The following PMCH variants were observed in gnomAD, a reference collection of about 807,000 sequenced individuals.
The protein encoded by PMCH is pro-MCH.
A neutral mutation model predicts 15.9 loss-of-function variants in PMCH; 8 were observed. The observed-to-expected ratio is 0.50, with a 90% CI of 0.29 to 0.91. The LOEUF (loss-of-function observed/expected upper bound fraction) is 0.91. Among genes scored for constraint, PMCH ranks in the 40% least tolerant of loss-of-function variants. The probability of loss-of-function intolerance (pLI) is 0.07; values close to 1 mark genes in which losing one functional copy is unlikely to be tolerated. For synonymous variants in PMCH, 73 were observed against 63.8 expected (o/e 1.14, Z -0.69); for missense variants, 169 against 185.7 (o/e 0.91, Z 0.52).
At position 102,197,803 on chromosome 12, in the gene PMCH, G is replaced by A; in HGVS notation, c.-33C>T. ...TTGATGTTTGCATACAGTCAAACAA[G>A]AAAGAAAATGAAAAATTTCTCTGTC... On this transcript the variant is annotated 5_prime_UTR_variant, in exon 1 of 3. Transcript: ENST00000329406. The A allele has an allele frequency of 1.4e-6, 2 of 1,478,922 alleles. No homozygotes were observed. The highest frequency in any genetic ancestry group is 1.8e-6 in the Non-Finnish European group (2 of 1,105,840). The allele number at this position is 1,478,922 out of a possible 1,614,324, so 91.6% of individuals were successfully genotyped here.
chr12:102,197,185 G>A lies in PMCH; in HGVS notation c.250-14C>T. On this transcript the variant is annotated splice_polypyrimidine_tract_variant and intron_variant, in intron 1 of 2. Coordinates refer to ENST00000329406, the MANE Select transcript of PMCH (RefSeq NM_002674.4). ...GGAGCCTGTGTTCTGTAAAGAGAAG[G>A]TTGATTTGGTTTTTAGCTATCGTAT... The A allele has an allele frequency of 1.9e-6, 3 of 1,599,082 alleles. No homozygotes were observed. Among genetic ancestry groups the A allele is most frequent in the Non-Finnish European group, 2.6e-6 (3 of 1,168,160 alleles).
Position 102,197,035 on chromosome 12 carries a change from T to G in PMCH, c.386A>C (p.Lys129Thr). 6.2e-7 allele frequency: 1 copy of G among 1,612,178 alleles called. No individual in the cohort carries two copies. Among genetic ancestry groups the G allele is most frequent in the East Asian group, 2.2e-5 (1 of 44,782 alleles). ...GVQNTESTQE[K>T]REIGDEENSA... ...GTTTTCTTCATCCCCAATTTCTCTC[T>G]TTTCTTGTGTTGATTCAGTATTCTG... The change falls in exon 2 of 3, where the codon AAG becomes ACG. Residue 129 changes from lysine to threonine, a missense_variant. Transcript: ENST00000329406.
In PMCH at chr12:102,197,402, C is replaced by T. The variant is rs1285282728; in HGVS notation, c.249+120G>A. The T allele has an allele frequency of 8.6e-6, 8 of 931,982 alleles. No homozygotes were observed. The African/African-American group carries it at 9.9e-5, about 12-fold the overall frequency. The allele number at this position is 931,982 out of a possible 1,614,324, so 57.7% of individuals were successfully genotyped here. On this transcript the variant is annotated intron_variant, in intron 1 of 2. Transcript: ENST00000329406. The stretch of plus-strand genomic sequence containing the variant: ...AGAAATATCGTCAGTCGTCCTAATG[C>T]ATATTGTGACTGTTTGCATATACTT...
In PMCH at chr12:102,197,043, T is replaced by G; in HGVS notation, c.378A>C (p.Thr126=). 4 of 1,612,252 alleles carry G rather than the reference T, an allele frequency of 2.5e-6. No homozygotes were observed. Among genetic ancestry groups the G allele is most frequent in the Non-Finnish European group, 3.4e-6 (4 of 1,178,738 alleles). Residue 126 remains threonine, a synonymous_variant, in exon 2 of 3, where the codon ACA becomes ACC. Coordinates refer to ENST00000329406, the MANE Select transcript of PMCH (RefSeq NM_002674.4). ...CATCCCCAATTTCTCTCTTTTCTTGTGTTGATTCAGTATTCTGAACTCCAT... is the reference window on the plus strand; with the variant it reads ...CATCCCCAATTTCTCTCTTTTCTTGGGTTGATTCAGTATTCTGAACTCCAT... ...AENGVQNTES[T]QEKREIGDEE...
chr12:102,197,712 T>G lies in PMCH; in HGVS notation c.59A>C (p.Gln20Pro). 6.2e-7 allele frequency: 1 copy of G among 1,605,810 alleles called. No individual in the cohort carries two copies. Among genetic ancestry groups the G allele is most frequent in the African/African-American group, 1.3e-5 (1 of 74,716 alleles). The change falls in exon 1 of 3, where the codon CAA (glutamine) becomes CCA (proline). Residue 20 changes from glutamine to proline, a missense_variant. Transcript: ENST00000329406. ...CTTGGATGCTGAAAGTAAAATACCT[T>G]GAGAAAACAAAGAAAAAGTTAGTAT... Reference protein sequence around the residue: ...ILILTFSLFSQGILLSASKSI... With the variant: ...ILILTFSLFSPGILLSASKSI...
intron 1 of PMCH, 71 bp from the exon 2 acceptor site, chr12:102,197,242 A>AG: frequency 2.5e-6 from 3 of 1,209,250 alleles, no homozygotes; most frequent in Non-Finnish European, 3.5e-6. Flanking sequence ...ATTGTATAAT[A>AG]TTCTTGTTGA....
In PMCH at chr12:102,196,637, G is replaced by A; in HGVS notation, c.*15C>T. The stretch of plus-strand genomic sequence containing the variant: ...TTTTATTTTCTTCTGAAAAGATGAT[G>A]TGGACCAACAGGTATCAGACTTGCC... On this transcript the variant is annotated 3_prime_UTR_variant, in exon 3 of 3. Coordinates refer to ENST00000329406, the MANE Select transcript of PMCH (RefSeq NM_002674.4). 1 of 1,592,700 alleles carries A rather than the reference G, an allele frequency of 6.3e-7. No homozygotes were observed. Among genetic ancestry groups the A allele is most frequent in the Non-Finnish European group, 8.6e-7 (1 of 1,160,888 alleles).
chr12:102,197,767 C>T lies in PMCH; in HGVS notation c.4G>A (p.Ala2Thr), dbSNP rs746555855. The stretch of plus-strand genomic sequence containing the variant: ...ATATAGGAAGAGAGATTCATTTTTG[C>T]CATTCTTAGTTTGATGTTTGCATAC... MAKMNLSSYILI... is the reference protein window; with the variant it reads MTKMNLSSYILI... Residue 2 changes from alanine to threonine, a missense_variant, in exon 1 of 3, where the codon GCA becomes ACA. Physicochemically the swap from Ala to Thr is moderately conservative, Grantham distance 58. Transcript: ENST00000329406. The T allele has an allele frequency of 1.3e-5, 20 of 1,572,166 alleles. No individual in the cohort carries two copies. In the African/African-American group the frequency reaches 2.6e-4, roughly 20 times the overall value.
In PMCH at chr12:102,196,566, G is replaced by A. The variant is rs1891329566; in HGVS notation, c.*86C>T. On this transcript the variant is annotated 3_prime_UTR_variant, in exon 3 of 3. Transcript: ENST00000329406. Reference sequence around the variant, plus strand: ...TAAAACAGACATTTAACATACACAAGTTATAGTAGCAGTATGGGCTTCTCC... The same window carrying A: ...TAAAACAGACATTTAACATACACAAATTATAGTAGCAGTATGGGCTTCTCC... The A allele has an allele frequency of 9.5e-6, 9 of 948,544 alleles. No individual in the cohort carries two copies. Among genetic ancestry groups the A allele is most frequent in the Non-Finnish European group, 1.6e-5 (9 of 577,006 alleles). The allele number at this position is 948,544 out of a possible 1,614,324, so 58.8% of individuals were successfully genotyped here.
At chr12:102,197,362 A>G in intron 1 of PMCH, 160 bp downstream of exon 1, 1 of 805,136 alleles carries the variant, frequency 1.2e-6, no homozygotes, top group South Asian at 1.8e-5. Flanking sequence ...GGATGGAAGA[A>G]CTACCTGGCA....
At chr12:102,196,814 A>G (rs1565911626) in intron 2 of PMCH, 113 bp from the exon 3 acceptor site, 3 of 1,060,376 alleles carry the variant, frequency 2.8e-6, no homozygotes, top group Non-Finnish European at 2.9e-6. Context: ...CCAAAATGAT[A>G]ATAATTAATT....
intron 2 of PMCH, 123 bp downstream of exon 2, chr12:102,196,850 G>A (rs192810118): frequency 9.5e-7 from 1 of 1,055,622 alleles, no homozygotes; most frequent in Non-Finnish European, 1.4e-6. Context: ...CACATTTTTG[G>A]CAGGTGTAAT....
rs1189547813 is a variant in PMCH, at chr12:102,197,550, A to T, written c.221T>A (p.Met74Lys). ...TGAAACTTTATTTTCCTCTTCGTTC[A>T]TGAAACTGCTCTCATCATTTTTATA... is the stretch of plus-strand genomic sequence containing the variant. The part of the protein sequence containing the change: ...EQYKNDESSF[M>K]NEEENKVSKN... The change falls in exon 1 of 3, where the codon ATG (methionine) becomes AAG (lysine). Residue 74 changes from methionine to lysine, a missense_variant. By Grantham distance (95) the Met-to-Lys change is moderately conservative. Transcript: ENST00000329406. 4 of 1,608,868 alleles carry T rather than the reference A, an allele frequency of 2.5e-6. No individual in the cohort carries two copies. The highest frequency in any genetic ancestry group is 3.4e-6 in the Non-Finnish European group (4 of 1,177,810).
rs1025697443 is a variant in PMCH, at chr12:102,196,823, T to A, written c.449-122A>T. On this transcript the variant is annotated intron_variant, in intron 2 of 2. Transcript: ENST00000329406. ...AGTAAACCAAAATGATAATAATTAA[T>A]TGTTGCTATTTAATCCCACATTTTT... The A allele has an allele frequency of 4.8e-6, 5 of 1,035,374 alleles. No individual in the cohort carries two copies. The African/African-American group carries it at 8.1e-5, about 17-fold the overall frequency. 64.1% of individuals were successfully genotyped at this position (1,035,374 alleles called of 1,614,324 possible).
At position 102,196,462 on chromosome 12, in the gene PMCH, T is replaced by C. The variant is rs1565911059; in HGVS notation, c.*190A>G. On this transcript the variant is annotated 3_prime_UTR_variant, in exon 3 of 3. Coordinates refer to ENST00000329406, the MANE Select transcript of PMCH (RefSeq NM_002674.4). ...TAAAAATACTAGTAAGTCATAATTA[T>C]GCAGAATTTTCACAAAGTTTAATGC... 6.9e-6 allele frequency: 5 copies of C among 724,214 alleles called. No individual in the cohort carries two copies. Among genetic ancestry groups the C allele is most frequent in the South Asian group, 3.5e-5 (2 of 56,510 alleles). The allele number at this position is 724,214 out of a possible 1,614,324, so 44.9% of individuals were successfully genotyped here. A position where few individuals can be genotyped will look rare whatever the true frequency, so the allele number is the denominator to read the frequency against.
At chr12:102,196,858 A>G (rs1891354738) in intron 2 of PMCH, 115 bp downstream of exon 2, 1 of 1,078,040 alleles carries the variant, frequency 9.3e-7, no homozygotes, top group Non-Finnish European at 1.4e-6. Flanking sequence ...TGGCAGGTGT[A>G]ATTGAGCCAT....
chr12:102,196,691 A>G lies in PMCH; in HGVS notation c.459T>C (p.Cys153=), dbSNP rs1565911368. ...IGRRDFDMLR[C]MLGRVYRPCW... is the part of the protein sequence containing the mutation. Reference sequence around the variant, plus strand: ...AAGGTCGGTAGACTCTTCCCAGCATACATCTGAGCACTGAAGGAAGAAGAA... The same window carrying G: ...AAGGTCGGTAGACTCTTCCCAGCATGCATCTGAGCACTGAAGGAAGAAGAA... The change falls in exon 3 of 3, where the codon TGT becomes TGC. Residue 153 remains cysteine (C), a synonymous_variant. Transcript: ENST00000329406. 11 of 1,607,864 alleles carry G rather than the reference A, an allele frequency of 6.8e-6. No homozygotes were observed. Among genetic ancestry groups the G allele is most frequent in the Non-Finnish European group, 6.8e-6 (8 of 1,174,994 alleles).
intron 1 of PMCH, 102 bp downstream of exon 1, chr12:102,197,420 A>T: frequency 9.1e-7 from 1 of 1,099,616 alleles, no homozygotes; most frequent in Non-Finnish European, 1.3e-6. Context: ...GACTGTTTGC[A>T]TATACTTCTG....
chr12:102,197,666 A>T lies in PMCH; in HGVS notation c.105T>A (p.Asp35Glu), dbSNP rs761537701. The change falls in exon 1 of 3, where the codon GAT becomes GAA. Residue 35 changes from aspartate to glutamate, a missense_variant. Asp to Glu is a conservative substitution (Grantham distance 45, BLOSUM62 2). Transcript: ENST00000329406. The stretch of plus-strand genomic sequence containing the variant: ...ACCTGAATGTATTAAATACCATGTC[A>T]TCATCTAAATTTCTTATGGACTTGG... Reference protein sequence around the residue: ...SASKSIRNLDDDMVFNTFRLG... With the variant: ...SASKSIRNLDEDMVFNTFRLG... 6.2e-7 allele frequency: 1 copy of T among 1,612,052 alleles called. No homozygotes were observed. Among genetic ancestry groups the T allele is most frequent in the South Asian group, 1.1e-5 (1 of 90,956 alleles).
Sources: gnomAD v4.1 joint callset for allele counts on GRCh38, gnomAD v4.1.1 for gene constraint, MANE v1.5 for transcripts, NCBI Gene and HGNC (gene_info 2026-07-23, HGNC 2026-07-21) for gene names.